BABAM2: variants seen among roughly 807,000 people sequenced by gnomAD.
The protein encoded by BABAM2 is BRISC and BRCA1-A complex member 2.
Under a neutral mutation model 54.7 loss-of-function variants are expected in BABAM2, and 31 were observed. That is an observed-to-expected ratio of 0.57 (90% CI 0.43 to 0.77). The LOEUF is 0.77. Ranked by LOEUF, BABAM2 falls within the 30% of genes least tolerant of loss-of-function variation. The probability of loss-of-function intolerance (pLI) is 0.00; values close to 1 mark genes in which losing one functional copy is unlikely to be tolerated. For synonymous variants in BABAM2, 167 were observed against 162.9 expected, an observed-to-expected ratio of 1.03 and a Z score of -0.19; for missense variants, 364 against 455.8, an observed-to-expected ratio of 0.80 and a Z score of 1.83.
intron 3 of BABAM2, among the ~76,000 whole-genome samples, chr2:27,933,294 T>G (rs1163456746): frequency 6.6e-6 from 1 of 152,140 alleles, no homozygotes; most frequent in Non-Finnish European, 1.5e-5. Context: ...CAGTATGCTC[T>G]ATAATAAATA....
At chr2:28,145,327 T>A (rs902545195) in intron 7 of BABAM2, among the ~76,000 whole-genome samples, 5 of 152,240 alleles carry the variant, frequency 3.3e-5, no homozygotes, top group African/African-American at 1.2e-4. Context: ...TTCAGCTATT[T>A]GGCTCCAGCC....
At chr2:28,069,752 T>A (rs1248595822) in intron 6 of BABAM2, among the ~76,000 whole-genome samples, 1 of 152,214 alleles carries the variant, frequency 6.6e-6, no homozygotes, top group African/African-American at 2.4e-5. Flanking sequence ...AACTACATAC[T>A]TCCAAGAGTA....
intron 10 of BABAM2, among the ~76,000 whole-genome samples, chr2:28,288,138 G>C (rs1328345204): frequency 1.3e-5 from 2 of 152,124 alleles, no homozygotes; most frequent in South Asian, 2.1e-4. Context: ...ACTTTGATGA[G>C]AGTAAAACCA....
intron 10 of BABAM2, among the ~76,000 whole-genome samples, chr2:28,247,601 G>A (rs1442468623): frequency 6.6e-6 from 1 of 152,182 alleles, no homozygotes; most frequent in Non-Finnish European, 1.5e-5. Context: ...AAGGAGGAAG[G>A]AAGTGCCTGG....
At chr2:27,914,425 A>T (rs1666819828) in intron 2 of BABAM2, among the ~76,000 whole-genome samples, 2 of 152,226 alleles carry the variant, frequency 1.3e-5, no homozygotes, top group African/African-American at 4.8e-5. Context: ...TGCTGCTATC[A>T]TGGATTTGTG....
chr2:28,162,285 T>G (rs2147816129), intron 7 of BABAM2, among the ~76,000 whole-genome samples: 1 of 152,296 alleles, frequency 6.6e-6, no homozygotes, highest in South Asian at 2.1e-4. Flanking sequence ...GAAATGTACA[T>G]GGCTCTCTTC....
At chr2:28,320,952 A>G (rs1689976144) in intron 11 of BABAM2, among the ~76,000 whole-genome samples, 1 of 152,244 alleles carries the variant, frequency 6.6e-6, no homozygotes, top group Non-Finnish European at 1.5e-5. Context: ...CACATTATAA[A>G]CTATAAAATA....
chr2:28,330,920 G>T (rs1161909465), intron 11 of BABAM2, among the ~76,000 whole-genome samples: 2 of 151,478 alleles, frequency 1.3e-5, no homozygotes, highest in African/African-American at 4.8e-5. Context: ...GGCATCACGT[G>T]ACTTCAGACT....
chr2:28,293,390 T>C (rs1456432840), intron 10 of BABAM2, among the ~76,000 whole-genome samples: 1 of 152,144 alleles, frequency 6.6e-6, no homozygotes, highest in Non-Finnish European at 1.5e-5. Context: ...CAGATAAGCA[T>C]GTTTGCTTGG....
intron 7 of BABAM2, among the ~76,000 whole-genome samples, chr2:28,130,809 G>A (rs1186741435): frequency 6.6e-6 from 1 of 151,770 alleles, no homozygotes; most frequent in Admixed American, 6.6e-5. Context: ...GTGCAATCTC[G>A]GCTCACTGCA....
rs755722137 is a variant in BABAM2, at chr2:28,129,276, A to T, written c.576A>T (p.Val192=). The change falls in exon 7 of 12, where the codon GTA becomes GTT. Residue 192 remains valine (V), a synonymous_variant. Transcript: ENST00000379624. ...GTTTTCACTTCTTGTTTAAGGATGT[A>T]AATGAAGACCCTGGAGAAGATGTGG... ...SNIPTYLLKD[V]NEDPGEDVAL... 6.2e-7 allele frequency: 1 copy of T among 1,613,430 alleles called. No individual in the cohort carries two copies. Among genetic ancestry groups the T allele is most frequent in the Non-Finnish European group, 8.5e-7 (1 of 1,179,376 alleles).
intron 7 of BABAM2, among the ~76,000 whole-genome samples, chr2:28,152,097 GC>G (rs1187933890): frequency 6.6e-6 from 1 of 152,116 alleles, no homozygotes; most frequent in Non-Finnish European, 1.5e-5. Context: ...CTTTCCTGAG[GC>G]CTTTAAGCTA....
chr2:28,296,118 T>TAAAG (rs1687675826), intron 10 of BABAM2, among the ~76,000 whole-genome samples: 1 of 151,820 alleles, frequency 6.6e-6, no homozygotes, highest in African/African-American at 2.4e-5. Flanking sequence ...GTCTCAAAAA[T>TAAAG]AAATAAATAA....
chr2:28,022,357 A>C (rs79727254), intron 4 of BABAM2, among the ~76,000 whole-genome samples: 1,662 of 152,364 alleles, frequency 0.011, 26 homozygotes, highest in African/African-American at 0.038. Context: ...CATTCTACAC[A>C]GTCTCAATTA....
chr2:28,106,373 A>G (rs1302398668), intron 6 of BABAM2, among the ~76,000 whole-genome samples: 1 of 152,186 alleles, frequency 6.6e-6, no homozygotes, highest in Admixed American at 6.5e-5. Context: ...CTCCCACCTC[A>G]GCCTCCCCTG....
intron 11 of BABAM2, among the ~76,000 whole-genome samples, chr2:28,328,674 T>G (rs919908472): frequency 1.3e-5 from 2 of 152,158 alleles, no homozygotes; most frequent in Non-Finnish European, 2.9e-5. Context: ...GACCACAGGG[T>G]CTCGTCCACG....
intron 2 of BABAM2, among the ~76,000 whole-genome samples, chr2:27,929,614 T>C (rs747352477): frequency 4.6e-5 from 7 of 152,216 alleles, no homozygotes; most frequent in Admixed American, 3.3e-4. Context: ...TTAGAACACA[T>C]GTAAGTTTTA....
intron 7 of BABAM2, among the ~76,000 whole-genome samples, chr2:28,196,472 CT>C (rs1362863620): frequency 1.3e-5 from 2 of 152,142 alleles, no homozygotes; most frequent in African/African-American, 4.8e-5. Context: ...TATCTGTGAG[CT>C]TGTCACTGAC....
chr2:28,165,569 C>T (rs1232804890), intron 7 of BABAM2, among the ~76,000 whole-genome samples: 8 of 110,412 alleles, frequency 7.2e-5, no homozygotes, highest in Non-Finnish European at 1.2e-4. Flanking sequence ...GAGCCTTGCT[C>T]TGTCACCCAG....
Sources: allele counts gnomAD v4.1 joint callset (sites outside exome capture counted in the v4.1 genomes callset), GRCh38; gene constraint gnomAD v4.1.1; transcripts MANE v1.5; gene names NCBI Gene and HGNC (gene_info 2026-07-23, HGNC 2026-07-21).